The following UVRAG variants were observed in gnomAD, a reference collection of about 807,000 sequenced individuals.
UVRAG encodes the protein UV radiation resistance-associated gene protein.
Under a neutral mutation model 78.0 loss-of-function variants are expected in UVRAG, and 19 were observed. The observed-to-expected ratio is 0.24, with a 90% CI of 0.17 to 0.36. The LOEUF (loss-of-function observed/expected upper bound fraction) is 0.36. Ranked by LOEUF, UVRAG falls within the 10% of genes least tolerant of loss-of-function variation. The pLI is 1.00. For synonymous variants in UVRAG, 323 were observed against 324.6 expected, an observed-to-expected ratio of 1.00 and a Z score of 0.05; for missense variants, 740 against 853.8, an observed-to-expected ratio of 0.87 and a Z score of 1.66.
intron 12 of UVRAG, among the ~76,000 whole-genome samples, chr11:76,032,318 G>A (rs1950451147): frequency 6.6e-6 from 1 of 151,972 alleles, no homozygotes; most frequent in African/African-American, 2.4e-5. Context: ...CTCTCTTTTG[G>A]ATGATTTACA....
At chr11:75,960,848 T>C (rs1328455337) in intron 6 of UVRAG, among the ~76,000 whole-genome samples, 1 of 152,202 alleles carries the variant, frequency 6.6e-6, no homozygotes, top group Non-Finnish European at 1.5e-5. Flanking sequence ...AAATAGCTCT[T>C]AATTTTTTCA....
rs1016465892 is a variant in UVRAG at position 75,945,306 on chromosome 11, A to G, written c.594-16138A>G. On this transcript the variant is annotated intron_variant, in intron 6 of 14. Transcript: ENST00000356136. ...ACAGTCTGTTACTGAAGGCCTCTAT[A>G]TACAAAGTACTACGGGGAAGCTCAG... Among the ~76,000 whole-genome samples the G allele has an allele frequency of 5.9e-5, 9 of 152,102 alleles. No individual in the cohort carries two copies. In the South Asian group the frequency reaches 6.2e-4, roughly 11 times the overall value.
chr11:76,004,054 C>G lies in UVRAG; in HGVS notation c.876C>G (p.Ser292=). 1 of 1,613,930 alleles carries G rather than the reference C, an allele frequency of 6.2e-7. No homozygotes were observed. The highest frequency in any genetic ancestry group is 8.5e-7 in the Non-Finnish European group (1 of 1,179,928). The part of the protein sequence containing the change: ...EHLKLQLQKE[S]LNELRKECTA... ...TCAAACTTCAACTCCAGAAGGAATC[C>G]CTAAATGAGCTGAGGAAGGAGTGCA... The change falls in exon 9 of 15, where the codon TCC becomes TCG. Residue 292 remains serine (S), a synonymous_variant. Coordinates refer to ENST00000356136, the MANE Select transcript of UVRAG (RefSeq NM_003369.4).
rs1216118250 is a variant in UVRAG at position 75,956,990 on chromosome 11, C to T, written c.594-4454C>T. 2.0e-5 allele frequency among the ~76,000 whole-genome samples: 3 copies of T among 151,582 alleles called. No homozygotes were observed. In the East Asian group the frequency reaches 5.8e-4, roughly 29 times the overall value. On this transcript the variant is annotated intron_variant, in intron 6 of 14. Transcript: ENST00000356136. ...GATAGGTGCTTTGCAAATATTTCCT[C>T]CCAGTCTATGGACTGTTTTTTTTTT... is the stretch of plus-strand genomic sequence containing the variant.
intron 1 of UVRAG, among the ~76,000 whole-genome samples, chr11:75,846,346 C>A (rs1283303815): frequency 6.6e-6 from 1 of 152,200 alleles, no homozygotes; most frequent in Non-Finnish European, 1.5e-5. Flanking sequence ...GGGTTTCAGA[C>A]CACTCAGAAC....
intron 1 of UVRAG, among the ~76,000 whole-genome samples, chr11:75,818,959 A>G (rs547636757): frequency 6.6e-6 from 1 of 152,330 alleles, no homozygotes; most frequent in East Asian, 1.9e-4. Context: ...ATCCCAAGAT[A>G]TCAGCAGCAC....
chr11:76,035,503 TAACTC>T (rs1950516367), intron 12 of UVRAG, among the ~76,000 whole-genome samples: 1 of 152,210 alleles, frequency 6.6e-6, no homozygotes, highest in Admixed American at 6.5e-5. Flanking sequence ...AATAGACACT[TAACTC>T]AGTTTTGTAT....
At chr11:76,114,401 G>C (rs1048226670) in intron 13 of UVRAG, among the ~76,000 whole-genome samples, 1 of 152,168 alleles carries the variant, frequency 6.6e-6, no homozygotes, top group Non-Finnish European at 1.5e-5. Flanking sequence ...CTCAGACTTT[G>C]GGGTAGGTGG....
At chr11:75,832,544 G>A (rs1274854955) in intron 1 of UVRAG, among the ~76,000 whole-genome samples, 3 of 152,208 alleles carry the variant, frequency 2.0e-5, no homozygotes, top group Non-Finnish European at 4.4e-5. Context: ...CTCTCTGGGT[G>A]TGCCAGCCTC....
At chr11:75,884,271 A>C (rs1046910389) in intron 4 of UVRAG, among the ~76,000 whole-genome samples, 17 of 137,544 alleles carry the variant, frequency 1.2e-4, no homozygotes, top group African/African-American at 4.6e-4. Flanking sequence ...AAGTGTTCAG[A>C]TCTTTTGCTC....
At chr11:75,841,995 A>G (rs1260198887) in intron 1 of UVRAG, among the ~76,000 whole-genome samples, 2 of 152,212 alleles carry the variant, frequency 1.3e-5, no homozygotes, top group African/African-American at 2.4e-5. Context: ...GCCTCAGGAC[A>G]TGGTCACTTA....
intron 8 of UVRAG, among the ~76,000 whole-genome samples, chr11:75,990,821 G>A (rs1453459295): frequency 6.6e-6 from 1 of 152,162 alleles, no homozygotes; most frequent in Admixed American, 6.5e-5. Context: ...GATTCTGAGG[G>A]CAGGCACTGT....
rs1354997860 is a variant in UVRAG at position 76,030,266 on chromosome 11, C to G, written c.1226+13286C>G. On this transcript the variant is annotated intron_variant, in intron 12 of 14. Transcript: ENST00000356136. The stretch of plus-strand genomic sequence containing the variant: ...CAGGCTGATCTCAAACTCCTGGCAT[C>G]AAGCGATACTTCTCTCTCACCCTCC... Among the ~76,000 whole-genome samples the G allele has an allele frequency of 2.6e-5, 4 of 152,032 alleles. No individual in the cohort carries two copies. The East Asian group carries it at 5.8e-4, about 22-fold the overall frequency.
intron 13 of UVRAG, among the ~76,000 whole-genome samples, chr11:76,110,599 G>A (rs1414250432): frequency 2.0e-5 from 3 of 152,122 alleles, no homozygotes; most frequent in Non-Finnish European, 2.9e-5. Flanking sequence ...AAGTGCGTAT[G>A]GGGAGGAGTT....
At chr11:75,990,720 C>T (rs1394455252) in intron 8 of UVRAG, among the ~76,000 whole-genome samples, 1 of 152,196 alleles carries the variant, frequency 6.6e-6, no homozygotes, top group Non-Finnish European at 1.5e-5. Flanking sequence ...CCTCCCACCC[C>T]TAGGTTAAAT....
At chr11:75,916,162 T>C (rs907672628) in intron 6 of UVRAG, 1 of 152,214 alleles carries the variant, frequency 6.6e-6, no homozygotes, top group Non-Finnish European at 1.5e-5. Context: ...GTTTAATAAG[T>C]GGAAGTATGG....
At chr11:75,886,593 A>C (rs1947084251) in intron 4 of UVRAG, among the ~76,000 whole-genome samples, 1 of 152,210 alleles carries the variant, frequency 6.6e-6, no homozygotes, top group African/African-American at 2.4e-5. Context: ...TTTTTATTTT[A>C]AACTTATGAT....
At chr11:75,978,638 C>G (rs1438743633) in intron 7 of UVRAG, among the ~76,000 whole-genome samples, 1 of 152,066 alleles carries the variant, frequency 6.6e-6, no homozygotes, top group East Asian at 1.9e-4. Context: ...TCACTGATAC[C>G]CTTTCTTCCA....
chr11:75,860,774 ATTTCT>A (rs780195030), intron 2 of UVRAG, among the ~76,000 whole-genome samples: 6 of 151,074 alleles, frequency 4.0e-5, no homozygotes, highest in African/African-American at 9.8e-5. Flanking sequence ...TGAGCGTGCA[ATTTCT>A]TTTCTTTTCT....
Sources: allele counts gnomAD v4.1 joint callset (sites outside exome capture counted in the v4.1 genomes callset), GRCh38; gene constraint gnomAD v4.1.1; transcripts MANE v1.5; gene names NCBI Gene and HGNC (gene_info 2026-07-23, HGNC 2026-07-21).